Variants in MYL5 observed in about 807,000 individuals in gnomAD.
MYL5 encodes myosin regulatory light chain 5.
A neutral mutation model predicts 20.8 loss-of-function variants in MYL5; 28 were observed. The ratio of observed to expected loss-of-function variants is 1.35; its 90% CI spans 1.00 to 1.84. The LOEUF (loss-of-function observed/expected upper bound fraction) is 1.84, where lower values mean the gene tolerates loss of function less well. Among genes scored for constraint, MYL5 ranks in the 40% most tolerant of loss-of-function variants. The pLI is 0.00. For synonymous variants in MYL5, 118 were observed against 87.4 expected, an observed-to-expected ratio of 1.35 and a Z score of -1.95; for missense variants, 274 against 227.3, an observed-to-expected ratio of 1.21 and a Z score of -1.32.
Position 678,675 on chromosome 4 carries a change from G to C in MYL5, c.21G>C (p.Lys7Asn), listed in dbSNP as rs1739110021. ...CACCGCAGGCCAGCAGGAAGACCAA[G>C]AAGAAGGAAGGGGGTGCCCTCCGGG... is the stretch of plus-strand genomic sequence containing the variant. Residue 7 changes from lysine to asparagine, a missense_variant, in exon 2 of 7, where the codon AAG becomes AAC. Lys to Asn is a moderately conservative substitution (Grantham distance 94). Coordinates refer to ENST00000400159, the Ensembl canonical transcript of MYL5. 8.1e-6 allele frequency: 13 copies of C among 1,609,992 alleles called. 1 individual carries two copies. In the South Asian group the frequency reaches 1.0e-4, roughly 12 times the overall value.
chr4:679,776 G>C, intron 3 of MYL5, 138 bp from the exon 6 acceptor site: 1 of 682,954 alleles, frequency 1.5e-6, no homozygotes, highest in Non-Finnish European at 2.5e-6. Context: ...ACTGCCCCAC[G>C]TGCCTGGGCC....
intron 6 of MYL5, among the ~76,000 whole-genome samples, chr4:681,635 GCGCCGCCCCGCCCCC>G (rs1739593448): frequency 1.8e-4 from 1 of 5,582 alleles, no homozygotes; most frequent in East Asian, 8.1e-3. Context: ...GCCCCCTCCA[GCGCCGCCCCGCCCCC>G]TCCAGCGCCG....
chr4:676,697 G>T (rs1269787108), upstream of MYL5, among the ~76,000 whole-genome samples: 1 of 152,140 alleles, frequency 6.6e-6, no homozygotes, highest in African/African-American at 2.4e-5. Flanking sequence ...CCTCGGTGTG[G>T]TTCTCCCCAC....
chr4:676,458 G>C (rs1738849280), upstream of MYL5: 1 of 152,252 alleles, frequency 6.6e-6, no homozygotes, highest in African/African-American at 2.4e-5. Context: ...CCTTTCCTGA[G>C]AGCTTAGTGG....
intron 3 of MYL5, 101 bp downstream of exon 5, chr4:679,134 C>T (rs1739167431): frequency 1.1e-6 from 1 of 923,090 alleles, no homozygotes; most frequent in Non-Finnish European, 1.5e-6. Context: ...GAGCCAGGGC[C>T]CGCGCCTCAG....
chr4:676,819 G>T, upstream of MYL5: 1 of 941,204 alleles, frequency 1.1e-6, no homozygotes, highest in Non-Finnish European at 1.3e-6. Context: ...CTGGTCACCT[G>T]ACACCTTGCA....
chr4:680,259 C>G (rs1560154834), intron 4 of MYL5, among the ~76,000 whole-genome samples: 1 of 152,164 alleles, frequency 6.6e-6, no homozygotes, highest in Non-Finnish European at 1.5e-5. Flanking sequence ...TCATGCAGCA[C>G]TCACCCCCAG....
intron 5 of MYL5, chr4:680,788 G>A (rs1220686687): frequency 6.1e-6 from 4 of 650,688 alleles, no homozygotes; most frequent in Non-Finnish European, 1.0e-5. Context: ...GCCTGTGCCC[G>A]GTGGGGGTGG....
At chr4:680,384 C>A in intron 4 of MYL5, 125 bp from the exon 7 acceptor site, 1 of 1,035,178 alleles carries the variant, frequency 9.7e-7, no homozygotes, top group Non-Finnish European at 1.5e-6. Flanking sequence ...GCAGAGGCCA[C>A]CTTGTGGGCA....
chr4:680,734 TC>T, intron 5 of MYL5, 147 bp downstream of exon 7: 2 of 830,624 alleles, frequency 2.4e-6, no homozygotes, highest in Non-Finnish European at 3.8e-6. Context: ...GAACCCAGGA[TC>T]CCAGCTGAGT....
chr4:677,099 G>A (rs1738917855), upstream of MYL5, among the ~76,000 whole-genome samples: 1 of 152,208 alleles, frequency 6.6e-6, no homozygotes, highest in South Asian at 2.1e-4. Context: ...CACTGCCCCT[G>A]CAGCACCGAG....
upstream of MYL5, chr4:674,553 G>A (rs1738702174): frequency 4.2e-6 from 2 of 475,044 alleles, no homozygotes; most frequent in Non-Finnish European, 7.5e-6. Context: ...TTTCCCCGCA[G>A]GGCTGGGGGT....
intron 3 of MYL5, chr4:679,251 C>G: frequency 1.5e-6 from 1 of 669,030 alleles, no homozygotes. Context: ...GGTGGGACAG[C>G]CCAAGCCTGG....
At chr4:681,839 C>T in intron 6 of MYL5, 54 bp from the exon 9 acceptor site, 4 of 1,293,242 alleles carry the variant, frequency 3.1e-6, no homozygotes, top group African/African-American at 1.5e-5. Flanking sequence ...TGCAGGTGCG[C>T]GCTTGTAATT....
chr4:676,762 C>T, upstream of MYL5: 1 of 394,440 alleles, frequency 2.5e-6, no homozygotes, highest in Non-Finnish European at 3.5e-6. Flanking sequence ...ACTGGACTGG[C>T]AGCAGGGGAT....
In MYL5 at chr4:679,500, G is replaced by A. The variant is rs139687214; in HGVS notation, c.188-414G>A. 6.1e-4 allele frequency among the ~76,000 whole-genome samples: 93 copies of A among 152,316 alleles called. No individual in the cohort carries two copies. In the East Asian group the frequency reaches 0.011, roughly 18 times the overall value. ...CCTCCCCAGCTTCAGTCCTCCCTGC[G>A]GCACATTCTGTTCCCAGCAGCTGCC... On this transcript the variant is annotated intron_variant, in intron 3 of 6. Coordinates refer to ENST00000400159, the Ensembl canonical transcript of MYL5.
chr4:681,645 GCCCCCTCCAGCGCCGCCCCGC>G, intron 6 of MYL5, among the ~76,000 whole-genome samples: 1 of 2,540 alleles, frequency 3.9e-4, no homozygotes, highest in Non-Finnish European at 9.0e-4. Flanking sequence ...GCGCCGCCCC[GCCCCCTCCAGCGCCGCCCCGC>G]CCCCTCCAGC....
At chr4:680,859 C>G (rs1739401571) in intron 5 of MYL5, 2 of 640,006 alleles carry the variant, frequency 3.1e-6, no homozygotes, top group Admixed American at 5.8e-5. Flanking sequence ...GGGGAAAGTA[C>G]CAGGCGCTGG....
intron 3 of MYL5, 124 bp from the exon 6 acceptor site, chr4:679,790 C>G: frequency 1.3e-6 from 1 of 747,702 alleles, no homozygotes; most frequent in Non-Finnish European, 2.2e-6. Flanking sequence ...CTGGGCCAAG[C>G]GTCTCCTTCC....
Sources: allele counts gnomAD v4.1 joint callset (sites outside exome capture counted in the v4.1 genomes callset), GRCh38; gene constraint gnomAD v4.1.1; transcripts MANE v1.5; gene names NCBI Gene and HGNC (gene_info 2026-07-23, HGNC 2026-07-21).